PNKD: variants seen among roughly 807,000 people sequenced by gnomAD.
PNKD encodes the protein probable thioesterase PNKD.
PNKD carries 36 observed loss-of-function variants against 45.3 expected under a neutral mutation model. That is an observed-to-expected ratio of 0.80 (90% CI 0.61 to 1.05). The LOEUF (loss-of-function observed/expected upper bound fraction) is 1.05, where lower values mean the gene tolerates loss of function less well. Ranked by LOEUF, PNKD falls within the 50% of genes least tolerant of loss-of-function variation. The pLI, the probability that PNKD is intolerant of heterozygous loss-of-function variation, is 0.00. For synonymous variants in PNKD, 197 were observed against 210.1 expected (o/e 0.94, Z 0.54); for missense variants, 511 against 506.6 (o/e 1.01, Z -0.08).
At chr2:218,293,176 A>G (rs1022255242) in intron 2 of PNKD, among the ~76,000 whole-genome samples, 1 of 152,242 alleles carries the variant, frequency 6.6e-6, no homozygotes, top group Non-Finnish European at 1.5e-5. Flanking sequence ...TCAAGTCAGA[A>G]TTCAGAAGTC....
intron 1 of PNKD, 105 bp from the exon 2 acceptor site, chr2:218,271,276 C>T: frequency 1.0e-6 from 1 of 957,406 alleles, no homozygotes; most frequent in Non-Finnish European, 1.7e-6. Context: ...AGTCACTCCC[C>T]TTCCCCAGAT....
At chr2:218,337,596 C>G (rs925464238) in intron 2 of PNKD, among the ~76,000 whole-genome samples, 52 of 152,334 alleles carry the variant, frequency 3.4e-4, no homozygotes, top group African/African-American at 1.3e-3. Flanking sequence ...GCACTTGAAG[C>G]ACGTTCTAGT....
rs1315743890 is a variant in PNKD at position 218,296,460 on chromosome 2, A to C, written c.236+24911A>C. ...CCTGGAAGGGGTGGGCCCAGGTGGA[A>C]CCTGAAGGACATGGGCAGGAAAAAC... On this transcript the variant is annotated intron_variant, in intron 2 of 9. Transcript: ENST00000273077. 1.3e-5 allele frequency among the ~76,000 whole-genome samples: 2 copies of C among 152,200 alleles called. 1 individual carries two copies. Among genetic ancestry groups the C allele is most frequent in the Middle Eastern group, 6.8e-3 (2 of 294 alleles).
At chr2:218,325,893 G>T (rs115907077) in intron 2 of PNKD, among the ~76,000 whole-genome samples, 1 of 152,180 alleles carries the variant, frequency 6.6e-6, no homozygotes, top group African/African-American at 2.4e-5. Flanking sequence ...AGAAGGGTGC[G>T]CCTGGAGTCA....
chr2:218,314,666 G>A (rs1242629308), intron 2 of PNKD, among the ~76,000 whole-genome samples: 2 of 151,374 alleles, frequency 1.3e-5, no homozygotes, highest in Admixed American at 1.3e-4. Flanking sequence ...TTGGCCTTTT[G>A]GCTAAGATCA....
At chr2:218,308,202 T>G (rs1390004805) in intron 2 of PNKD, among the ~76,000 whole-genome samples, 3 of 151,038 alleles carry the variant, frequency 2.0e-5, no homozygotes, top group Non-Finnish European at 3.0e-5. Context: ...TTTTTTTTTT[T>G]TTTTGAGACA....
chr2:218,272,984 G>C (rs1330764646), intron 2 of PNKD: 4 of 1,362,496 alleles, frequency 2.9e-6, no homozygotes, highest in Non-Finnish European at 2.9e-6. Flanking sequence ...GGATGGGAGG[G>C]GCAGAGGGTG....
intron 2 of PNKD, chr2:218,284,284 G>A (rs1692319508): frequency 6.6e-6 from 1 of 152,262 alleles, no homozygotes; most frequent in Non-Finnish European, 1.5e-5. Context: ...ATAAGGTGGG[G>A]GCGACACGAC....
chr2:218,339,687 C>G, intron 2 of PNKD, 96 bp from the exon 3 acceptor site: 1 of 770,158 alleles, frequency 1.3e-6, no homozygotes, highest in Non-Finnish European at 2.3e-6. Context: ...ACAGGGTCAC[C>G]AAAGGAATGG....
intron 2 of PNKD, 114 bp from the exon 3 acceptor site, chr2:218,339,669 A>T (rs1295496560): frequency 2.7e-6 from 2 of 728,948 alleles, no homozygotes; most frequent in Non-Finnish European, 5.0e-6. Context: ...GTGGAATTGC[A>T]TTGGCTCACA....
chr2:218,295,575 C>A (rs1005139188), intron 2 of PNKD, among the ~76,000 whole-genome samples: 2 of 151,418 alleles, frequency 1.3e-5, no homozygotes, highest in Non-Finnish European at 2.9e-5. Context: ...AGGCAGAGGG[C>A]AAGGGACTTA....
chr2:218,313,194 T>G (rs1014577760), intron 2 of PNKD, among the ~76,000 whole-genome samples: 1 of 151,930 alleles, frequency 6.6e-6, no homozygotes, highest in African/African-American at 2.4e-5. Flanking sequence ...CACTGCAGCC[T>G]CCATCTCCCA....
rs137970592 is a variant in PNKD at position 218,278,409 on chromosome 2, G to C, written c.236+6860G>C. 1,234 of 1,182,774 alleles carry C rather than the reference G, an allele frequency of 1.0e-3. 6 individuals are homozygous for C. The East Asian group carries it at 0.011, about 11-fold the overall frequency. The allele number at this position is 1,182,774 out of a possible 1,614,324, so 73.3% of individuals were successfully genotyped here. A position where few individuals can be genotyped will look rare whatever the true frequency, so the allele number is the denominator to read the frequency against. On this transcript the variant is annotated intron_variant, in intron 2 of 9. Transcript: ENST00000273077. ...ATCGTCATCCTCCTCCTCATTTCTT[G>C]TAAGTTTCCATTCAGCTGCTATAAA...
intron 2 of PNKD, among the ~76,000 whole-genome samples, chr2:218,278,814 A>C (rs1267408281): frequency 6.6e-6 from 1 of 152,236 alleles, no homozygotes; most frequent in African/African-American, 2.4e-5. Context: ...GCTGCAGCGC[A>C]GCGTGCACGC....
chr2:218,321,149 C>T (rs1489899961), intron 2 of PNKD, among the ~76,000 whole-genome samples: 1 of 149,178 alleles, frequency 6.7e-6, no homozygotes, highest in Non-Finnish European at 1.5e-5. Flanking sequence ...TTTCCTGTTT[C>T]AGATTACAGG....
At chr2:218,281,238 C>T (rs964061369) in intron 2 of PNKD, among the ~76,000 whole-genome samples, 121 of 149,986 alleles carry the variant, frequency 8.1e-4, no homozygotes, top group African/African-American at 2.9e-3. Flanking sequence ...GGATTGCAAG[C>T]GATTCTCCTG....
At chr2:218,323,375 G>GC (rs1301676057) in intron 2 of PNKD, 1 of 1,580,634 alleles carries the variant, frequency 6.3e-7, no homozygotes, top group African/African-American at 1.4e-5. Flanking sequence ...GCCGAGCGCG[G>GC]CGGGGCCTCC....
In PNKD at chr2:218,340,930, G is replaced by T; in HGVS notation, c.524+144G>T. ...TCCTCGTGAAGTCACCTGGACACCA[G>T]CAGGGAGGGAGGAGAGGGGACAGTC... is the stretch of plus-strand genomic sequence containing the variant. On this transcript the variant is annotated intron_variant, in intron 5 of 9. Transcript: ENST00000273077. This position sits in a 1 kb window ranked among gnomAD's most constrained non-coding sequence, Gnocchi z 4.2. The T allele has an allele frequency of 2.7e-6, 2 of 730,404 alleles. No individual in the cohort carries two copies. Among genetic ancestry groups the T allele is most frequent in the South Asian group, 1.4e-5 (1 of 69,446 alleles). 45.2% of individuals were successfully genotyped at this position (730,404 alleles called of 1,614,324 possible). A position where few individuals can be genotyped will look rare whatever the true frequency, so the allele number is the denominator to read the frequency against.
rs766072633 is a variant in PNKD at position 218,345,014 on chromosome 2, C to T, written c.*33C>T. ...AGCGCCCCCAGCCCAGCCCACTCCC[C>T]GCATGGGGAGGCCGCCACCACCAAC... On this transcript the variant is annotated 3_prime_UTR_variant, in exon 10 of 10. Transcript: ENST00000273077. 134 of 1,564,212 alleles carry T rather than the reference C, an allele frequency of 8.6e-5. No individual in the cohort carries two copies. Among genetic ancestry groups the T allele is most frequent in the Non-Finnish European group, 1.1e-4 (124 of 1,148,024 alleles).
Sources: gnomAD v4.1 joint callset for allele counts (sites outside exome capture counted in the v4.1 genomes callset) on GRCh38, gnomAD v4.1.1 for gene constraint, Gnocchi (gnomAD v3.1) non-coding constraint, MANE v1.5 for transcripts, NCBI Gene and HGNC (gene_info 2026-07-23, HGNC 2026-07-21) for gene names.